Variants in NIN observed in about 807,000 individuals in gnomAD.
NIN encodes glycogen synthase kinase 3 beta-interacting protein.
In NIN, 137 loss-of-function variants were observed where a neutral mutation model predicts 257.6. That is an observed-to-expected ratio of 0.53 (90% CI 0.46 to 0.61). The LOEUF (loss-of-function observed/expected upper bound fraction) is 0.61. Ranked by LOEUF, NIN falls within the 20% of genes least tolerant of loss-of-function variation. The pLI is 0.00. For synonymous variants in NIN, 918 were observed against 919.8 expected (o/e 1.00, Z 0.04); for missense variants, 2,439 against 2,501.2 (o/e 0.98, Z 0.53).
Position 50,763,827 on chromosome 14 carries a change from G to A in NIN, c.1773C>T (p.His591=), listed in dbSNP as rs750117145. The change falls in exon 15 of 31, where the codon CAC becomes CAT. Residue 591 remains histidine, a splice_region_variant and synonymous_variant. Coordinates refer to ENST00000530997, the MANE Select transcript of NIN (RefSeq NM_020921.4). ...TACAGCCTGTCCGAATGTGTTTACCGTGTTCGGGCTCAATGCCACCGCTGT... is the reference window on the plus strand; with the variant it reads ...TACAGCCTGTCCGAATGTGTTTACCATGTTCGGGCTCAATGCCACCGCTGT... ...EANSGGIEPE[H]GLGSEECNPL... 32 of 1,613,280 alleles carry A rather than the reference G, an allele frequency of 2.0e-5. No homozygotes were observed. The East Asian group carries it at 4.9e-4, about 25-fold the overall frequency.
chr14:50,793,224 G>A (rs978261272), intron 4 of NIN, among the ~76,000 whole-genome samples: 1 of 152,060 alleles, frequency 6.6e-6, no homozygotes. Flanking sequence ...GCAGGATGGG[G>A]AGACATCATA....
rs147163512 is a variant in NIN, at chr14:50,772,546, G to A, written c.814-78C>T. On this transcript the variant is annotated intron_variant, in intron 8 of 30. Coordinates refer to ENST00000530997, the MANE Select transcript of NIN (RefSeq NM_020921.4). ...CAAGATATTGGTCAGCCCTGACCAC[G>A]ATGGGTAGAAGGCATGTTTCTCTAA... 5.7e-5 allele frequency: 72 copies of A among 1,271,174 alleles called. No homozygotes were observed. The East Asian group carries it at 1.0e-3, about 19-fold the overall frequency. The allele number at this position is 1,271,174 out of a possible 1,614,324, so 78.7% of individuals were successfully genotyped here. A position where few individuals can be genotyped will look rare whatever the true frequency, so the allele number is the denominator to read the frequency against.
At chr14:50,814,177 T>C (rs1415729545) in intron 3 of NIN, among the ~76,000 whole-genome samples, 1 of 152,178 alleles carries the variant, frequency 6.6e-6, no homozygotes, top group African/African-American at 2.4e-5. Flanking sequence ...GGTAGGTTTA[T>C]AAAACCTAAA....
At chr14:50,780,622 G>A (rs140545496) in intron 5 of NIN, among the ~76,000 whole-genome samples, 231 of 152,298 alleles carry the variant, frequency 1.5e-3, no homozygotes, top group African/African-American at 5.4e-3. Flanking sequence ...ACCTACCACA[G>A]TTTCACAGGT....
chr14:50,820,203 A>ATAC (rs1449613871), intron 3 of NIN, among the ~76,000 whole-genome samples: 29 of 152,312 alleles, frequency 1.9e-4, no homozygotes, highest in African/African-American at 6.5e-4. Context: ...AGACCACTTA[A>ATAC]GTATTCATTA....
rs186250483 is a variant in NIN at position 50,734,155 on chromosome 14, T to A, written c.5877+1361A>T. On this transcript the variant is annotated intron_variant, in intron 28 of 30. Coordinates refer to ENST00000530997, the MANE Select transcript of NIN (RefSeq NM_020921.4). ...CCCAGGCTGGAGTGCAATGACGTGA[T>A]CTCGGCTCACTGCAACCTCCGCCTC... is the stretch of plus-strand genomic sequence containing the variant. Among the ~76,000 whole-genome samples, 16 of 151,800 alleles carry A rather than the reference T, an allele frequency of 1.1e-4. No individual in the cohort carries two copies. In the East Asian group the frequency reaches 1.5e-3, roughly 15 times the overall value.
chr14:50,754,367 T>C (rs917600136), intron 20 of NIN, among the ~76,000 whole-genome samples, 196 bp downstream of exon 20: 6 of 152,168 alleles, frequency 3.9e-5, no homozygotes, highest in African/African-American at 7.2e-5. Context: ...GAATAATATA[T>C]ACATTATTTA....
chr14:50,795,269 G>A (rs146737760), intron 4 of NIN, among the ~76,000 whole-genome samples: 84 of 152,290 alleles, frequency 5.5e-4, no homozygotes, highest in African/African-American at 1.8e-3. Flanking sequence ...TTTAAAAATA[G>A]TCACCTCTAA....
intron 28 of NIN, among the ~76,000 whole-genome samples, chr14:50,733,905 T>C (rs868403643): frequency 6.6e-6 from 1 of 152,316 alleles, no homozygotes; most frequent in South Asian, 2.1e-4. Context: ...CTTTAGTTGA[T>C]AAATCAGAGA....
At chr14:50,777,291 G>A in intron 6 of NIN, 152 bp from the exon 7 acceptor site, 1 of 656,864 alleles carries the variant, frequency 1.5e-6, no homozygotes, top group Non-Finnish European at 2.6e-6. Context: ...AAGCTCCCAT[G>A]AAACAGAATC....
intron 24 of NIN, among the ~76,000 whole-genome samples, chr14:50,742,548 C>T (rs888375004): frequency 1.8e-4 from 27 of 152,086 alleles, no homozygotes; most frequent in African/African-American, 4.1e-4. Flanking sequence ...CACTTGCCAC[C>T]GCGCTCGGCT....
intron 2 of NIN, among the ~76,000 whole-genome samples, chr14:50,829,138 A>C (rs2045589907): frequency 6.6e-6 from 1 of 152,218 alleles, no homozygotes; most frequent in Non-Finnish European, 1.5e-5. Flanking sequence ...ACAAATCTGC[A>C]AACAAATTCC....
chr14:50,726,074 G>A lies in NIN; in HGVS notation c.6079-8C>T. On this transcript the variant is annotated splice_polypyrimidine_tract_variant and splice_region_variant and intron_variant, in intron 29 of 30. Coordinates refer to ENST00000530997, the MANE Select transcript of NIN (RefSeq NM_020921.4). ...CAGTTGTTCCTGGTTTCCCTGAAGG[G>A]AAGAAAAGTATATTATTCGAAAATC... 1 of 1,601,976 alleles carries A rather than the reference G, an allele frequency of 6.2e-7. No homozygotes were observed. Among genetic ancestry groups the A allele is most frequent in the East Asian group, 2.2e-5 (1 of 44,798 alleles).
At chr14:50,771,088 A>C in intron 10 of NIN, 96 bp from the exon 11 acceptor site, 2 of 1,441,718 alleles carry the variant, frequency 1.4e-6, no homozygotes, top group Non-Finnish European at 1.9e-6. Context: ...ATACAGAAGC[A>C]AAACCAAGAC....
At chr14:50,803,730 A>G (rs746263972) in intron 4 of NIN, among the ~76,000 whole-genome samples, 18 of 152,136 alleles carry the variant, frequency 1.2e-4, no homozygotes, top group Non-Finnish European at 7.3e-5. Flanking sequence ...CTAAAATGCT[A>G]TATGATCTAT....
chr14:50,761,739 C>G (rs763947100), intron 16 of NIN, 51 bp downstream of exon 16: 2 of 1,608,836 alleles, frequency 1.2e-6, no homozygotes, highest in Admixed American at 1.7e-5. Context: ...CACACATAAG[C>G]CTGTCAGAGC....
At chr14:50,733,538 G>A (rs1388099471) in intron 28 of NIN, among the ~76,000 whole-genome samples, 2 of 152,134 alleles carry the variant, frequency 1.3e-5, no homozygotes, top group Non-Finnish European at 2.9e-5. Context: ...TCCTCTGTTA[G>A]CAAATATTTA....
chr14:50,787,840 C>T (rs2043411200), intron 5 of NIN, among the ~76,000 whole-genome samples: 1 of 151,870 alleles, frequency 6.6e-6, no homozygotes, highest in African/African-American at 2.4e-5. Flanking sequence ...AGCTAGGTTA[C>T]AGTAGCCTTT....
intron 6 of NIN, 145 bp downstream of exon 6, chr14:50,778,620 T>C: frequency 4.2e-6 from 3 of 721,452 alleles, no homozygotes; most frequent in East Asian, 2.5e-5. Flanking sequence ...AACTAAAAGC[T>C]ATCAATTGGG....
Sources: allele counts gnomAD v4.1 joint callset (sites outside exome capture counted in the v4.1 genomes callset), GRCh38; gene constraint gnomAD v4.1.1; transcripts MANE v1.5; gene names NCBI Gene and HGNC (gene_info 2026-07-23, HGNC 2026-07-21).